Variants in C12orf42 observed in about 807,000 individuals in gnomAD.
C12orf42 encodes the protein uncharacterized protein C12orf42.
A neutral mutation model predicts 21.6 loss-of-function variants in C12orf42; 25 were observed. The ratio of observed to expected loss-of-function variants is 1.16; its 90% CI spans 0.84 to 1.62. The LOEUF (loss-of-function observed/expected upper bound fraction) is 1.62, where lower values mean the gene tolerates loss of function less well. Ranked by LOEUF, C12orf42 falls within the 40% of genes most tolerant of loss-of-function variation. The pLI, the probability that C12orf42 is intolerant of heterozygous loss-of-function variation, is 0.00. For synonymous variants in C12orf42, 174 were observed against 175.0 expected (o/e 0.99, Z 0.05); for missense variants, 483 against 459.3 (o/e 1.05, Z -0.47).
the C12orf42 span, among the ~76,000 whole-genome samples, chr12:103,062,301 T>G: frequency 6.6e-6 from 1 of 151,846 alleles, no homozygotes; most frequent in African/African-American, 2.4e-5. Context: ...AAAGAAGGAC[T>G]TGATTAGCAT....
chr12:103,134,042 A>G, the C12orf42 span, among the ~76,000 whole-genome samples: 101 of 152,308 alleles, frequency 6.6e-4, no homozygotes, highest in Non-Finnish European at 1.2e-3. Context: ...TATTAGTAGC[A>G]TGAGAATGAA....
the C12orf42 span, among the ~76,000 whole-genome samples, chr12:103,513,003 A>G: frequency 1.5e-5 from 2 of 137,134 alleles, no homozygotes; most frequent in African/African-American, 6.3e-5. Flanking sequence ...CTCCATATCA[A>G]AAAAAAAAAA....
intron 5 of C12orf42, chr12:103,277,014 G>T: frequency 2.5e-6 from 1 of 396,350 alleles, no homozygotes; most frequent in Non-Finnish European, 4.9e-6. Flanking sequence ...CAATTAGATA[G>T]TATAATTATT....
At chr12:103,422,405 G>A (rs1192346124) in intron 2 of C12orf42, among the ~76,000 whole-genome samples, 1 of 152,148 alleles carries the variant, frequency 6.6e-6, no homozygotes, top group African/African-American at 2.4e-5. Flanking sequence ...AACGACTCTG[G>A]CCTGTGAGTT....
the C12orf42 span, among the ~76,000 whole-genome samples, chr12:103,065,335 T>G: frequency 6.6e-6 from 1 of 152,246 alleles, no homozygotes; most frequent in African/African-American, 2.4e-5. Context: ...TTAACACATC[T>G]CCTGGTACCT....
At chr12:103,129,813 C>A in the C12orf42 span, among the ~76,000 whole-genome samples, 1 of 152,204 alleles carries the variant, frequency 6.6e-6, no homozygotes, top group Non-Finnish European at 1.5e-5. Context: ...GGCCTTCCAG[C>A]TTATCCTGGT....
intron 5 of C12orf42, 89 bp downstream of exon 5, chr12:103,305,885 G>T: frequency 7.0e-7 from 1 of 1,437,582 alleles, no homozygotes; most frequent in Non-Finnish European, 9.4e-7. Flanking sequence ...TGGCCATGAA[G>T]TCAATATTTT....
At chr12:103,097,169 G>T in the C12orf42 span, among the ~76,000 whole-genome samples, 1 of 152,156 alleles carries the variant, frequency 6.6e-6, no homozygotes, top group African/African-American at 2.4e-5. Flanking sequence ...TAACTGGAAA[G>T]TTAGAGTATC....
At chr12:103,070,582 T>C in the C12orf42 span, among the ~76,000 whole-genome samples, 1 of 151,640 alleles carries the variant, frequency 6.6e-6, no homozygotes, top group Non-Finnish European at 1.5e-5. Flanking sequence ...AGTAGGAGTG[T>C]CCAAAAATAT....
intron 2 of C12orf42, among the ~76,000 whole-genome samples, chr12:103,427,476 A>G (rs1949931243): frequency 6.6e-6 from 1 of 152,158 alleles, no homozygotes; most frequent in Admixed American, 6.5e-5. Flanking sequence ...CAGATTCATA[A>G]AGCAAGTTCT....
downstream of C12orf42, among the ~76,000 whole-genome samples, chr12:103,301,512 A>G (rs2037648577): frequency 6.6e-6 from 1 of 152,202 alleles, no homozygotes; most frequent in Non-Finnish European, 1.5e-5. Context: ...TTGTATTACA[A>G]ATCAGCAAAT....
intron 2 of C12orf42, among the ~76,000 whole-genome samples, chr12:103,437,704 G>A (rs1032876845): frequency 6.7e-6 from 1 of 150,298 alleles, no homozygotes; most frequent in African/African-American, 2.4e-5. Context: ...AACTAAACCA[G>A]GAAGAAGTTG....
intron 2 of C12orf42, among the ~76,000 whole-genome samples, chr12:103,425,688 T>C (rs1861215763): frequency 6.6e-6 from 1 of 150,584 alleles, no homozygotes. Flanking sequence ...CCAAAGGCTG[T>C]GAGCTACGCC....
chr12:103,321,166 A>G (rs1465405964), intron 4 of C12orf42, among the ~76,000 whole-genome samples: 1 of 152,036 alleles, frequency 6.6e-6, no homozygotes, highest in Non-Finnish European at 1.5e-5. Context: ...ACAAATTTAC[A>G]AGAAAAAAAC....
At chr12:103,507,645 C>CCTAG in the C12orf42 span, among the ~76,000 whole-genome samples, 32 of 150,928 alleles carry the variant, frequency 2.1e-4, no homozygotes, top group Middle Eastern at 0.01. Context: ...CACTACTGCA[C>CCTAG]CTAGCCTAGG....
chr12:103,479,180 A>G (rs147278684), intron 1 of C12orf42, among the ~76,000 whole-genome samples: 1 of 152,250 alleles, frequency 6.6e-6, no homozygotes, highest in East Asian at 1.9e-4. Flanking sequence ...CATTTCCAAT[A>G]AATTGTTTTA....
intron 2 of C12orf42, among the ~76,000 whole-genome samples, chr12:103,439,137 G>C (rs1565829624): frequency 6.6e-6 from 1 of 151,810 alleles, no homozygotes; most frequent in Non-Finnish European, 1.5e-5. Flanking sequence ...TGACAAACCT[G>C]AGAAAAACAA....
chr12:103,227,222 T>C, the C12orf42 span, among the ~76,000 whole-genome samples: 1 of 151,972 alleles, frequency 6.6e-6, no homozygotes, highest in African/African-American at 2.4e-5. Context: ...TCAGGGGTTC[T>C]TACCTTCCAG....
chr12:103,506,917 T>TATATTTTTA, the C12orf42 span, among the ~76,000 whole-genome samples: 1 of 10,070 alleles, frequency 9.9e-5, no homozygotes, highest in African/African-American at 5.8e-4. Context: ...ATATATATAT[T>TATATTTTTA]TATATATTAT....
Sources: allele counts gnomAD v4.1 joint callset (sites outside exome capture counted in the v4.1 genomes callset), GRCh38; gene constraint gnomAD v4.1.1; transcripts MANE v1.5; gene names NCBI Gene and HGNC (gene_info 2026-07-23, HGNC 2026-07-21).